Variants in POU2F1 observed in about 807,000 individuals in gnomAD.
POU2F1 encodes POU class 2 homeobox 1.
POU2F1 carries 16 observed loss-of-function variants against 84.9 expected under a neutral mutation model. That is an observed-to-expected ratio of 0.19 (90% CI 0.13 to 0.29). The LOEUF (loss-of-function observed/expected upper bound fraction) is 0.29. Among genes scored for constraint, POU2F1 ranks in the 10% least tolerant of loss-of-function variants. The pLI is 1.00. For synonymous variants in POU2F1, 368 were observed against 368.3 expected (o/e 1.00, Z 0.01); for missense variants, 738 against 942.6 (o/e 0.78, Z 2.84).
At chr1:167,405,409 G>T (rs908294252) in intron 13 of POU2F1, among the ~76,000 whole-genome samples, 1 of 152,042 alleles carries the variant, frequency 6.6e-6, no homozygotes, top group East Asian at 1.9e-4. Context: ...CATGTGCAGT[G>T]GCTTATGCCT....
intron 1 of POU2F1, among the ~76,000 whole-genome samples, chr1:167,293,167 C>T (rs560655127): frequency 3.3e-4 from 50 of 152,120 alleles, no homozygotes; most frequent in African/African-American, 1.1e-3. Flanking sequence ...AGCAGTCACG[C>T]AAGAGAAAAG....
chr1:167,388,889 C>CTA (rs1648181078), intron 8 of POU2F1, among the ~76,000 whole-genome samples: 1 of 152,126 alleles, frequency 6.6e-6, no homozygotes. Context: ...CACCCTCTCT[C>CTA]TTCCAAAAAG....
intron 2 of POU2F1, among the ~76,000 whole-genome samples, chr1:167,340,369 T>G (rs576040783): frequency 5.3e-4 from 81 of 151,928 alleles, no homozygotes; most frequent in Non-Finnish European, 9.4e-4. Flanking sequence ...TGTGAGCAAC[T>G]GCACCCAGCC....
chr1:167,229,334 G>C (rs1571121893), intron 1 of POU2F1, among the ~76,000 whole-genome samples: 1 of 152,238 alleles, frequency 6.6e-6, no homozygotes, highest in Middle Eastern at 3.4e-3. Flanking sequence ...CATTTGGGGA[G>C]TAAGTCAGTG....
chr1:167,287,563 A>C (rs1002276501), intron 1 of POU2F1, among the ~76,000 whole-genome samples: 1 of 152,258 alleles, frequency 6.6e-6, no homozygotes, highest in Non-Finnish European at 1.5e-5. Context: ...TGTTTTGAAG[A>C]ATGGTTTAGG....
chr1:167,390,052 T>C (rs1040796150), intron 9 of POU2F1, among the ~76,000 whole-genome samples: 4 of 152,226 alleles, frequency 2.6e-5, no homozygotes, highest in Non-Finnish European at 4.4e-5. Context: ...TATACAAATA[T>C]ACATTTTATA....
At chr1:167,404,546 C>T (rs890654091) in intron 13 of POU2F1, among the ~76,000 whole-genome samples, 7 of 152,136 alleles carry the variant, frequency 4.6e-5, no homozygotes, top group Non-Finnish European at 1.0e-4. Flanking sequence ...GAATCCTTAG[C>T]GTTCCATAGT....
chr1:167,245,599 G>A (rs975061711), intron 1 of POU2F1, among the ~76,000 whole-genome samples: 1 of 152,084 alleles, frequency 6.6e-6, no homozygotes, highest in Non-Finnish European at 1.5e-5. Context: ...TTTTAGTAGA[G>A]ACGGGGTTTC....
intron 2 of POU2F1, among the ~76,000 whole-genome samples, chr1:167,355,149 T>A (rs976349620): frequency 4.0e-5 from 6 of 151,890 alleles, no homozygotes; most frequent in African/African-American, 1.4e-4. Context: ...CTTTTAATCC[T>A]TCTGAAATTT....
chr1:167,413,673 CTT>C (rs919853443), intron 15 of POU2F1, among the ~76,000 whole-genome samples: 10 of 152,136 alleles, frequency 6.6e-5, no homozygotes, highest in African/African-American at 2.2e-4. Flanking sequence ...TATAATGTCT[CTT>C]TTCCAAGCTC....
intron 2 of POU2F1, among the ~76,000 whole-genome samples, chr1:167,353,860 C>G (rs896266168): frequency 6.6e-6 from 1 of 152,194 alleles, no homozygotes; most frequent in Admixed American, 6.5e-5. Flanking sequence ...GTAGGCCCAC[C>G]CTGAACATAT....
At chr1:167,363,627 C>T (rs1302450453) in intron 2 of POU2F1, among the ~76,000 whole-genome samples, 5 of 152,110 alleles carry the variant, frequency 3.3e-5, no homozygotes, top group Non-Finnish European at 7.4e-5. Context: ...TTTATTTTCA[C>T]GCAAGTTTTC....
At chr1:167,329,089 C>G in intron 1 of POU2F1, 1 of 1,272,268 alleles carries the variant, frequency 7.9e-7, no homozygotes, top group Non-Finnish European at 1.0e-6. Flanking sequence ...TTGAAGATTG[C>G]TATGGTGTAA....
chr1:167,274,881 C>T (rs1403525278), intron 1 of POU2F1, among the ~76,000 whole-genome samples: 2 of 152,078 alleles, frequency 1.3e-5, no homozygotes. Flanking sequence ...TCTCATTTTC[C>T]TTTACAGCTC....
chr1:167,420,843 A>G lies in POU2F1; in HGVS notation c.*5033A>G, dbSNP rs946325982. The G allele has an allele frequency of 5.9e-5, 9 of 152,214 alleles. No individual in the cohort carries two copies. Among genetic ancestry groups the G allele is most frequent in the African/African-American group, 2.2e-4 (9 of 41,466 alleles). The allele number at this position is 152,214 out of a possible 1,614,324, so 9.4% of individuals were successfully genotyped here. ...TGCAGTTTGAGGAAGGGCCCCAACA[A>G]TTCATTTGGAGAGCTTGGCCAAATA... On this transcript the variant is annotated 3_prime_UTR_variant, in exon 16 of 16. Transcript: ENST00000367866.
intron 1 of POU2F1, among the ~76,000 whole-genome samples, chr1:167,307,469 CAAAA>C (rs11354171): frequency 7.3e-6 from 1 of 137,670 alleles, no homozygotes; most frequent in African/African-American, 2.6e-5. Flanking sequence ...CTAGGATAAC[CAAAA>C]AAAAAAAAAA....
chr1:167,294,056 A>C (rs1190656475), intron 1 of POU2F1, among the ~76,000 whole-genome samples: 1 of 151,378 alleles, frequency 6.6e-6, no homozygotes, highest in Non-Finnish European at 1.5e-5. Flanking sequence ...AGAATTCATG[A>C]CTATGGTGGC....
At chr1:167,221,017 C>T in intron 1 of POU2F1, 59 bp downstream of exon 1, 3 of 1,390,236 alleles carry the variant, frequency 2.2e-6, no homozygotes, top group South Asian at 1.2e-5. Context: ...TCCCGCTGCC[C>T]CCCCCCGCGA....
intron 3 of POU2F1, among the ~76,000 whole-genome samples, chr1:167,368,981 A>G (rs908789971): frequency 6.6e-6 from 1 of 152,104 alleles, no homozygotes; most frequent in Non-Finnish European, 1.5e-5. Context: ...TTTTTAATCT[A>G]AATCCAGTCA....
Sources: gnomAD v4.1 joint callset for allele counts (sites outside exome capture counted in the v4.1 genomes callset) on GRCh38, gnomAD v4.1.1 for gene constraint, MANE v1.5 for transcripts, NCBI Gene and HGNC (gene_info 2026-07-23, HGNC 2026-07-21) for gene names.